FYCO1: variants seen among roughly 807,000 people sequenced by gnomAD.
The protein encoded by FYCO1 is FYVE and coiled-coil domain-containing protein 1.
A neutral mutation model predicts 165.1 loss-of-function variants in FYCO1; 122 were observed. That is an observed-to-expected ratio of 0.74 (90% CI 0.64 to 0.86). FYCO1 has a LOEUF of 0.86. Among genes scored for constraint, FYCO1 ranks in the 40% least tolerant of loss-of-function variants. The pLI is 0.00. For synonymous variants in FYCO1, 648 were observed against 742.5 expected, an observed-to-expected ratio of 0.87 and a Z score of 2.07; for missense variants, 1,702 against 1,810.3, an observed-to-expected ratio of 0.94 and a Z score of 1.09.
Position 45,964,615 on chromosome 3 carries a change from T to G in FYCO1, c.3151-161A>C. On this transcript the variant is annotated intron_variant, in intron 9 of 17. Coordinates refer to ENST00000296137, the MANE Select transcript of FYCO1 (RefSeq NM_024513.4). This position sits in a 1 kb window ranked among gnomAD's most constrained non-coding sequence, Gnocchi z 4.1. ...AGGCCATGAACCTCTGCTCTATATTTGTGGGGCCTCAACTGCAACTAGTTG... is the reference window on the plus strand; with the variant it reads ...AGGCCATGAACCTCTGCTCTATATTGGTGGGGCCTCAACTGCAACTAGTTG... 1.1e-6 allele frequency: 1 copy of G among 930,272 alleles called. No homozygotes were observed. The highest frequency in any genetic ancestry group is 1.3e-6 in the Non-Finnish European group (1 of 779,598). 57.6% of individuals were successfully genotyped at this position (930,272 alleles called of 1,614,324 possible).
intron 16 of FYCO1, among the ~76,000 whole-genome samples, chr3:45,928,108 C>G (rs1703409518): frequency 6.6e-6 from 1 of 152,252 alleles, no homozygotes; most frequent in South Asian, 2.1e-4. Flanking sequence ...GGAGTGACTG[C>G]TAATGGGCAC....
chr3:45,946,323 A>T, intron 14 of FYCO1: 1 of 629,630 alleles, frequency 1.6e-6, no homozygotes, highest in Non-Finnish European at 2.8e-6. Flanking sequence ...AATATACTGG[A>T]CTGTGCTGTT....
intron 1 of FYCO1, among the ~76,000 whole-genome samples, chr3:45,995,219 A>C (rs1221422004): frequency 6.6e-6 from 1 of 152,240 alleles, no homozygotes; most frequent in Non-Finnish European, 1.5e-5. Flanking sequence ...AGGATGGGCC[A>C]GGAAGAAAGA....
chr3:45,968,708 G>A lies in FYCO1; in HGVS notation c.631-5C>T. Reference sequence around the variant, plus strand: ...GTTGGACACCATCTCTTGAGTCTGGGAGGGAAAACACAAAAGACAAGTGGC... The same window carrying A: ...GTTGGACACCATCTCTTGAGTCTGGAAGGGAAAACACAAAAGACAAGTGGC... On this transcript the variant is annotated splice_region_variant and splice_polypyrimidine_tract_variant and intron_variant, in intron 7 of 17. Transcript: ENST00000296137. The A allele has an allele frequency of 6.2e-7, 1 of 1,614,186 alleles. No homozygotes were observed. Among genetic ancestry groups the A allele is most frequent in the Non-Finnish European group, 8.5e-7 (1 of 1,180,040 alleles).
chr3:45,977,347 TTAAATATATATATATATATATATATATA>T lies in FYCO1; in HGVS notation c.289-2030_289-2003del, dbSNP rs1258314737. Among the ~76,000 whole-genome samples, 5 of 58,964 alleles carry T rather than the reference TTAAATATATATATATATATATATATATA, an allele frequency of 8.5e-5. No homozygotes were observed. The East Asian group carries it at 2.5e-3, about 30-fold the overall frequency. The allele number at this position is 58,964 out of a possible 152,430, so 38.7% of individuals were successfully genotyped here. A position where few individuals can be genotyped will look rare whatever the true frequency, so the allele number is the denominator to read the frequency against. On this transcript the variant is annotated intron_variant, in intron 4 of 17. Coordinates refer to ENST00000296137, the MANE Select transcript of FYCO1 (RefSeq NM_024513.4). ...CTTTTAATCAGGCCCATTAACTGAA[TTAAATATATATATATATATATATATATA>T]TATATATATATATATATATATATAT... is the stretch of plus-strand genomic sequence containing the variant.
chr3:45,922,671 G>A (rs932665671), intron 17 of FYCO1, among the ~76,000 whole-genome samples: 1 of 152,166 alleles, frequency 6.6e-6, no homozygotes, highest in South Asian at 2.1e-4. Context: ...AGGGGCAGGA[G>A]GGGGTGAGGT....
chr3:45,946,140 C>A, intron 14 of FYCO1: 1 of 254,076 alleles, frequency 3.9e-6, no homozygotes, highest in Non-Finnish European at 7.6e-6. Flanking sequence ...ACTGTGCCCA[C>A]CTGGCAGCAA....
At chr3:45,955,829 G>A (rs1011868915) in intron 13 of FYCO1, among the ~76,000 whole-genome samples, 3 of 152,230 alleles carry the variant, frequency 2.0e-5, no homozygotes, top group Non-Finnish European at 2.9e-5. Flanking sequence ...TGTCTGACCT[G>A]CATTTTCCCT....
rs1559438439 is a variant in FYCO1, at chr3:45,925,232, C to CCT, written c.4252-1468_4252-1467insAG. Among the ~76,000 whole-genome samples the CCT allele has an allele frequency of 4.3e-5, 6 of 138,812 alleles. No individual in the cohort carries two copies. In the East Asian group the frequency reaches 1.1e-3, roughly 26 times the overall value. The allele number at this position is 138,812 out of a possible 152,430, so 91.1% of individuals were successfully genotyped here. A position where few individuals can be genotyped will look rare whatever the true frequency, so the allele number is the denominator to read the frequency against. On this transcript the variant is annotated intron_variant, in intron 16 of 17. Coordinates refer to ENST00000296137, the MANE Select transcript of FYCO1 (RefSeq NM_024513.4). ...CGTGAGCCACGGCGCCCAGCCCTTA[C>CCT]ATTTTTTTTTTTTTTTAAGAAGTGA...
At chr3:45,981,538 G>A in intron 3 of FYCO1, 32 bp downstream of exon 3, 1 of 1,324,314 alleles carries the variant, frequency 7.6e-7, no homozygotes, top group Non-Finnish European at 1.1e-6. Context: ...AGATACCAGT[G>A]CAAAAATCAA....
chr3:45,972,982 G>A lies in FYCO1; in HGVS notation c.539+106C>T, dbSNP rs546904578. The A allele has an allele frequency of 3.4e-6, 4 of 1,164,286 alleles. No individual in the cohort carries two copies. In the South Asian group the frequency reaches 3.8e-5, roughly 11 times the overall value. The allele number at this position is 1,164,286 out of a possible 1,614,324, so 72.1% of individuals were successfully genotyped here. On this transcript the variant is annotated intron_variant, in intron 6 of 17. Transcript: ENST00000296137. The stretch of plus-strand genomic sequence containing the variant: ...TGGAATAAGAGTTGAACAGGTTTGT[G>A]TAATTTACTGAGCAAGCAAAATTGT...
At chr3:45,978,826 G>A (rs1706894356) in intron 4 of FYCO1, among the ~76,000 whole-genome samples, 1 of 151,260 alleles carries the variant, frequency 6.6e-6, no homozygotes. Flanking sequence ...GAGTGTGTAT[G>A]TGAAGTATGT....
chr3:45,969,152 A>G (rs796773128), intron 7 of FYCO1, among the ~76,000 whole-genome samples: 10 of 152,316 alleles, frequency 6.6e-5, no homozygotes, highest in African/African-American at 2.2e-4. Context: ...TTTAATTGCT[A>G]TTCAGTTTCC....
At chr3:45,955,461 C>T in intron 13 of FYCO1, 68 bp from the exon 14 acceptor site, 1 of 1,583,728 alleles carries the variant, frequency 6.3e-7, no homozygotes, top group South Asian at 1.1e-5. Flanking sequence ...TGGGTAAGGG[C>T]CCTTGGGAAA....
At chr3:45,961,577 CAA>C (rs34367507) in intron 11 of FYCO1, among the ~76,000 whole-genome samples, 2 of 119,920 alleles carry the variant, frequency 1.7e-5, no homozygotes, top group Admixed American at 8.6e-5. Flanking sequence ...GACTCTGTCT[CAA>C]AAAAAAAAAA....
chr3:45,978,566 G>A (rs1706883501), intron 4 of FYCO1, among the ~76,000 whole-genome samples: 2 of 152,206 alleles, frequency 1.3e-5, no homozygotes, highest in Non-Finnish European at 2.9e-5. Context: ...GTTTGGTGAG[G>A]AGCCCTTCCC....
intron 14 of FYCO1, among the ~76,000 whole-genome samples, chr3:45,950,690 G>T (rs1315113826): frequency 6.6e-6 from 1 of 152,178 alleles, no homozygotes; most frequent in African/African-American, 2.4e-5. Context: ...GAGAAAACTA[G>T]TTCAGAGAGA....
At position 45,967,923 on chromosome 3, in the gene FYCO1, G is replaced by A. The variant is rs768945306; in HGVS notation, c.1411C>T (p.Arg471Ter). The A allele has an allele frequency of 2.2e-5, 35 of 1,613,906 alleles. No individual in the cohort carries two copies. The highest frequency in any genetic ancestry group is 1.3e-4 in the Admixed American group (8 of 59,990). ...TGGGCCAGCAACTCCTGCAGCCGTC[G>A]CCAGAGCTGGTCTGCCTCCTGTCCC... ...GKGQEADQLW[R>*]RLQELLAHTS... Residue 471 changes from arginine (R) to a stop codon, truncating the protein, a stop_gained, in exon 8 of 18, where the codon CGA becomes TGA. Coordinates refer to ENST00000296137, the MANE Select transcript of FYCO1 (RefSeq NM_024513.4). LOFTEE classifies it high-confidence loss of function.
intron 15 of FYCO1, 86 bp from the exon 16 acceptor site, chr3:45,931,367 C>T (rs1703617764): frequency 7.6e-7 from 1 of 1,310,462 alleles, no homozygotes; most frequent in East Asian, 2.4e-5. Context: ...TCAGAGGTGG[C>T]TGGAGACTTC....
Sources: gnomAD v4.1 joint callset for allele counts (sites outside exome capture counted in the v4.1 genomes callset) on GRCh38, gnomAD v4.1.1 for gene constraint, Gnocchi (gnomAD v3.1) non-coding constraint, MANE v1.5 for transcripts, NCBI Gene and HGNC (gene_info 2026-07-23, HGNC 2026-07-21) for gene names.